The following ANK2 variants were observed in gnomAD, a reference collection of about 807,000 sequenced individuals.
ANK2 encodes ankyrin-2.
Under a neutral mutation model 360.5 loss-of-function variants are expected in ANK2, and 83 were observed. That is an observed-to-expected ratio of 0.23 (90% CI 0.19 to 0.28). ANK2 has a LOEUF of 0.28. Ranked by LOEUF, ANK2 falls within the 10% of genes least tolerant of loss-of-function variation. The pLI is 1.00. For missense variants in ANK2, 4,201 were observed against 4,795.7 expected (o/e 0.88, Z 3.66); for synonymous variants, 1,740 against 1,759.5 (o/e 0.99, Z 0.28).
At chr4:113,140,379 C>T (rs2096593833) in intron 1 of ANK2, among the ~76,000 whole-genome samples, 2 of 152,148 alleles carry the variant, frequency 1.3e-5, no homozygotes, top group African/African-American at 2.4e-5. Context: ...AGACAGTAAT[C>T]GAAGCAGATT....
chr4:113,334,405 A>T (rs903791292), intron 29 of ANK2, among the ~76,000 whole-genome samples: 2 of 152,044 alleles, frequency 1.3e-5, no homozygotes, highest in African/African-American at 4.8e-5. Context: ...TTTTCCTCTG[A>T]GATATTTACC....
intron 28 of ANK2, 94 bp downstream of exon 28, chr4:113,332,164 G>A: frequency 9.1e-7 from 1 of 1,101,478 alleles, no homozygotes; most frequent in Admixed American, 1.7e-5. Context: ...TTGTGCCCAT[G>A]ACATGTCCCT....
intron 2 of ANK2, among the ~76,000 whole-genome samples, chr4:113,189,543 A>T (rs1223832844): frequency 1.3e-5 from 2 of 152,154 alleles, no homozygotes; most frequent in Non-Finnish European, 2.9e-5. Context: ...AGCTATCCCT[A>T]GTCTATTAAT....
At position 112,948,728 on chromosome 4, in the gene ANK2, A is replaced by G. The variant is rs566079620; in HGVS notation, c.21+44214A>G. 1.1e-4 allele frequency among the ~76,000 whole-genome samples: 16 copies of G among 152,284 alleles called. No homozygotes were observed. The South Asian group carries it at 3.3e-3, about 32-fold the overall frequency. ...ATATTAAAAAGTCTAGGCCATATAT[A>G]TCAAAACGTTATTGTTATATGCAGT... On this transcript the variant is annotated intron_variant, in intron 2 of 30. Coordinates refer to the ANK2 transcript ENST00000503271.
At chr4:113,262,293 T>C (rs2053374466) in intron 13 of ANK2, among the ~76,000 whole-genome samples, 1 of 152,130 alleles carries the variant, frequency 6.6e-6, no homozygotes, top group East Asian at 1.9e-4. Context: ...TGGGCAAGAT[T>C]ATGGCTCACT....
chr4:113,377,301 A>G (rs1445997279), intron 45 of ANK2, among the ~76,000 whole-genome samples: 8 of 152,284 alleles, frequency 5.3e-5, no homozygotes, highest in Non-Finnish European at 1.0e-4. Flanking sequence ...TGAGTAATAC[A>G]TTGCACCATG....
intron 2 of ANK2, among the ~76,000 whole-genome samples, chr4:112,941,359 T>G (rs1183619254): frequency 1.4e-5 from 2 of 145,858 alleles, no homozygotes; most frequent in Non-Finnish European, 3.0e-5. Flanking sequence ...ATATATTAAA[T>G]ATATTATATA....
At chr4:112,969,181 T>A (rs1489865065) in intron 2 of ANK2, among the ~76,000 whole-genome samples, 1 of 152,244 alleles carries the variant, frequency 6.6e-6, no homozygotes, top group Non-Finnish European at 1.5e-5. Context: ...CTTCAGACCC[T>A]AGGCACTGGA....
intron 43 of ANK2, among the ~76,000 whole-genome samples, chr4:113,371,706 A>G (rs1027358440): frequency 1.3e-5 from 2 of 152,230 alleles, no homozygotes; most frequent in African/African-American, 4.8e-5. Context: ...ATTTCTAGGC[A>G]GTAGATTCCT....
intron 2 of ANK2, among the ~76,000 whole-genome samples, chr4:112,972,977 CA>C (rs2040097555): frequency 6.6e-6 from 1 of 151,994 alleles, no homozygotes; most frequent in Non-Finnish European, 1.5e-5. Flanking sequence ...TATGAGGATG[CA>C]AAGGCATAAG....
At position 113,355,316 on chromosome 4, in the gene ANK2, A is replaced by C; in HGVS notation, c.6698A>C (p.His2233Pro). 1 of 1,614,054 alleles carries C rather than the reference A, an allele frequency of 6.2e-7. No individual in the cohort carries two copies. Among genetic ancestry groups the C allele is most frequent in the East Asian group, 2.2e-5 (1 of 44,866 alleles). Residue 2233 changes from histidine to proline, a missense_variant, in exon 38 of 46, where the codon CAT becomes CCT. His to Pro is a moderately conservative substitution (Grantham distance 77). Around this residue, in one of 4 missense-constraint regions of ANK2, gnomAD observed 2,642 missense variants for 2,714.5 expected, o/e 0.97. Coordinates refer to ENST00000357077, the MANE Select transcript of ANK2 (RefSeq NM_001148.6). ...ATTAGTTCAGAAGAAAGCTATAAGC[A>C]TGAAGGCCTAGCAGAGACCCCTGAG... ...PQISSEESYK[H>P]EGLAETPETS...
the ANK2 span, chr4:112,788,246 C>A: frequency 6.3e-7 from 1 of 1,589,744 alleles, no homozygotes; most frequent in Non-Finnish European, 8.5e-7. Context: ...AGCCAAAGCG[C>A]CTTTGTCTTC....
chr4:113,369,823 A>C lies in ANK2; in HGVS notation c.11610+18A>C, dbSNP rs1015601749. On this transcript the variant is annotated intron_variant, in intron 43 of 45. Transcript: ENST00000357077. ...TTGAAAAGGTAAGACATTCCTCTCC[A>C]CTTTCTCGCCCACCTGTAACAAAGC... 6.2e-7 allele frequency: 1 copy of C among 1,613,882 alleles called. No individual in the cohort carries two copies. The highest frequency in any genetic ancestry group is 8.5e-7 in the Non-Finnish European group (1 of 1,179,944).
At chr4:112,766,738 C>T in the ANK2 span, among the ~76,000 whole-genome samples, 1 of 152,172 alleles carries the variant, frequency 6.6e-6, no homozygotes, top group African/African-American at 2.4e-5. Flanking sequence ...TTATTTGCAA[C>T]ATCTGTGCGT....
intron 2 of ANK2, among the ~76,000 whole-genome samples, chr4:112,947,455 A>G (rs1010246268): frequency 1.4e-4 from 22 of 152,322 alleles, no homozygotes; most frequent in Admixed American, 5.2e-4. Context: ...TGAAATTTGC[A>G]CAAATGAAAC....
At chr4:112,735,590 C>A in the ANK2 span, among the ~76,000 whole-genome samples, 4 of 152,148 alleles carry the variant, frequency 2.6e-5, no homozygotes. Flanking sequence ...TGATGTCAGT[C>A]ACAAGACACC....
intron 2 of ANK2, among the ~76,000 whole-genome samples, chr4:112,914,604 AAAAAGAAAAG>A (rs911096615): frequency 3.3e-5 from 5 of 152,182 alleles, no homozygotes; most frequent in Non-Finnish European, 5.9e-5. Context: ...ACTCTGTCTC[AAAAAGAAAAG>A]AAAAGAAAAG....
At chr4:113,259,679 T>A (rs2051497930) in intron 13 of ANK2, among the ~76,000 whole-genome samples, 1 of 152,120 alleles carries the variant, frequency 6.6e-6, no homozygotes, top group African/African-American at 2.4e-5. Flanking sequence ...ATGCTAATCT[T>A]TATTTACTCC....
Position 113,357,961 on chromosome 4 carries a change from G to A in ANK2, c.9343G>A (p.Gly3115Ser). Reference protein sequence around the residue: ...EGKLFEMTRSGAIDMTKRSYA... With the variant: ...EGKLFEMTRSSAIDMTKRSYA... ...AAAATTGTTTGAAATGACCCGAAGT[G>A]GTGCCATTGATATGACCAAAAGGTC... Residue 3115 changes from glycine (G) to serine (S), a missense_variant, in exon 38 of 46, where the codon GGT becomes AGT. Gly to Ser is a moderately conservative substitution (Grantham distance 56). This residue lies in a region of ANK2 where 2,642 missense variants were observed against 2,714.5 expected (regional missense o/e 0.97). Transcript: ENST00000357077. 1 of 1,614,024 alleles carries A rather than the reference G, an allele frequency of 6.2e-7. No individual in the cohort carries two copies. The highest frequency in any genetic ancestry group is 8.5e-7 in the Non-Finnish European group (1 of 1,179,982).
Sources: gnomAD v4.1 joint callset for allele counts (sites outside exome capture counted in the v4.1 genomes callset) on GRCh38, gnomAD v4.1.1 for gene constraint, gnomAD v4.1.1 regional missense constraint, MANE v1.5 for transcripts, NCBI Gene and HGNC (gene_info 2026-07-23, HGNC 2026-07-21) for gene names.